PSMA1: variants seen among roughly 807,000 people sequenced by gnomAD.
PSMA1 encodes the protein proteasome 20S subunit alpha 1, also known as proteasome subunit alpha type-1.
A neutral mutation model predicts 38.4 loss-of-function variants in PSMA1; 3 were observed. That is an observed-to-expected ratio of 0.08 (90% CI 0.04 to 0.20). The LOEUF (loss-of-function observed/expected upper bound fraction) is 0.20, where lower values mean the gene tolerates loss of function less well. Ranked by LOEUF, PSMA1 falls within the 10% of genes least tolerant of loss-of-function variation. PSMA1 has a pLI of 1.00. For synonymous variants in PSMA1, 101 were observed against 107.1 expected, an observed-to-expected ratio of 0.94 and a Z score of 0.35; for missense variants, 227 against 325.3, an observed-to-expected ratio of 0.70 and a Z score of 2.32.
chr11:14,521,304 T>TAATAAG (rs796720889), upstream of PSMA1, among the ~76,000 whole-genome samples: 50 of 93,370 alleles, frequency 5.4e-4, 1 homozygote, highest in African/African-American at 1.5e-3. Context: ...GCTACAATAA[T>TAATAAG]AATAAGAATA....
At chr11:14,554,392 C>G (rs185164801) in intron 2 of PSMA1, among the ~76,000 whole-genome samples, 1 of 152,260 alleles carries the variant, frequency 6.6e-6, no homozygotes, top group Admixed American at 6.5e-5. Flanking sequence ...TCACATTGCC[C>G]TAAGTCCTGA....
intron 2 of PSMA1, among the ~76,000 whole-genome samples, chr11:14,526,005 C>G (rs533194834): frequency 2.6e-5 from 4 of 152,134 alleles, no homozygotes; most frequent in Non-Finnish European, 5.9e-5. Context: ...CAAAGGATAT[C>G]GGGTATCCCC....
At chr11:14,638,202 A>T (rs1853134725) in intron 1 of PSMA1, among the ~76,000 whole-genome samples, 1 of 152,080 alleles carries the variant, frequency 6.6e-6, no homozygotes, top group Non-Finnish European at 1.5e-5. Context: ...TCCTTCCTTC[A>T]CATCGTGCTA....
At chr11:14,600,518 G>A (rs1565055238) in intron 2 of PSMA1, among the ~76,000 whole-genome samples, 1 of 152,238 alleles carries the variant, frequency 6.6e-6, no homozygotes, top group African/African-American at 2.4e-5. Context: ...CTAGCAGTGA[G>A]CAAGGCTCTG....
chr11:14,569,135 T>C (rs965702006), intron 2 of PSMA1, among the ~76,000 whole-genome samples: 1 of 152,164 alleles, frequency 6.6e-6, no homozygotes, highest in Non-Finnish European at 1.5e-5. Flanking sequence ...TCCCAGAAAA[T>C]TGGTTTTTCT....
chr11:14,573,848 C>A (rs1242181414), intron 2 of PSMA1, among the ~76,000 whole-genome samples: 1 of 152,182 alleles, frequency 6.6e-6, no homozygotes, highest in Non-Finnish European at 1.5e-5. Flanking sequence ...GCAAAGGTCA[C>A]TTTTGTTATG....
At chr11:14,557,180 G>A (rs1851949917) in intron 2 of PSMA1, among the ~76,000 whole-genome samples, 1 of 152,108 alleles carries the variant, frequency 6.6e-6, no homozygotes, top group Non-Finnish European at 1.5e-5. Flanking sequence ...CACCTGAACT[G>A]ACTTTCTAGG....
intron 2 of PSMA1, among the ~76,000 whole-genome samples, chr11:14,526,636 C>G (rs1451248557): frequency 6.6e-6 from 1 of 152,182 alleles, no homozygotes; most frequent in Non-Finnish European, 1.5e-5. Context: ...TGTACTCACT[C>G]TTTGTTGAGT....
At chr11:14,610,776 T>C in intron 2 of PSMA1, 1 of 588,184 alleles carries the variant, frequency 1.7e-6, no homozygotes, top group Non-Finnish European at 3.0e-6. Flanking sequence ...TGGTATGATT[T>C]GCTGGATTTG....
rs111862584 is a variant in PSMA1, at chr11:14,640,827, T to C, written c.-166+2628A>G. On this transcript the variant is annotated intron_variant, in intron 1 of 10. Coordinates refer to the PSMA1 transcript ENST00000418988. The stretch of plus-strand genomic sequence containing the variant: ...AGGGATGACTCTAGTTTTATAAATT[T>C]GGAATCTCAATGATACTGGTTAATT... Among the ~76,000 whole-genome samples, 887 of 152,352 alleles carry C rather than the reference T, an allele frequency of 5.8e-3. 9 individuals are homozygous for C. The highest frequency in any genetic ancestry group is 0.02 in the African/African-American group (852 of 41,576).
chr11:14,523,590 ATTTT>A (rs35903786), upstream of PSMA1, among the ~76,000 whole-genome samples: 2 of 136,260 alleles, frequency 1.5e-5, no homozygotes, highest in Non-Finnish European at 1.6e-5. Flanking sequence ...CTCAGGATAC[ATTTT>A]TTTTTTTTTT....
intron 2 of PSMA1, among the ~76,000 whole-genome samples, chr11:14,544,835 C>G (rs1446732940): frequency 6.6e-6 from 1 of 152,090 alleles, no homozygotes; most frequent in Admixed American, 6.5e-5. Flanking sequence ...TAGGTAATAA[C>G]CCAAGAGAAT....
At chr11:14,561,809 T>TAAAC (rs1852011692) in intron 2 of PSMA1, among the ~76,000 whole-genome samples, 3 of 147,816 alleles carry the variant, frequency 2.0e-5, no homozygotes, top group East Asian at 2.0e-4. Flanking sequence ...CTAAACTAAA[T>TAAAC]TAAACTAAAC....
chr11:14,517,558 C>T, intron 4 of PSMA1, 84 bp downstream of exon 4: 1 of 1,148,076 alleles, frequency 8.7e-7, no homozygotes, highest in Non-Finnish European at 1.2e-6. Context: ...AGACAACTTC[C>T]TAAAATACCT....
Position 14,576,112 on chromosome 11 carries a change from A to AT in PSMA1, c.21+34853dup, listed in dbSNP as rs1389427772. On this transcript the variant is annotated intron_variant, in intron 2 of 10. Coordinates refer to the PSMA1 transcript ENST00000418988. ...GCCCACTTTTTGATGGGGTTGTTTGATTTTTTCTTGTATATTTGTTTTTTT... is the reference window on the plus strand; with the variant it reads ...GCCCACTTTTTGATGGGGTTGTTTGATTTTTTTCTTGTATATTTGTTTTTTT... 3.3e-5 allele frequency among the ~76,000 whole-genome samples: 5 copies of AT among 151,112 alleles called. No individual in the cohort carries two copies. The South Asian group carries it at 1.0e-3, about 32-fold the overall frequency.
rs142596582 is a variant in PSMA1, at chr11:14,539,872, A to C, written c.22-20831T>G. ...TCAAACAAACAAACAAAGAAAAAAA[A>C]AACAACAACAGGACCCACAGGAGGA... is the stretch of plus-strand genomic sequence containing the variant. On this transcript the variant is annotated intron_variant, in intron 2 of 10. Transcript: ENST00000418988. Among the ~76,000 whole-genome samples, 114 of 151,952 alleles carry C rather than the reference A, an allele frequency of 7.5e-4. No individual in the cohort carries two copies. In the East Asian group the frequency reaches 0.019, roughly 26 times the overall value.
intron 7 of PSMA1, among the ~76,000 whole-genome samples, chr11:14,513,234 A>C (rs1278181748): frequency 1.3e-5 from 2 of 152,188 alleles, no homozygotes; most frequent in African/African-American, 4.8e-5. Flanking sequence ...CAGAAAACTA[A>C]AAGTGAACAG....
In PSMA1 at chr11:14,505,246, A is replaced by C. The variant is rs1486097106; in HGVS notation, c.738T>G (p.Pro246=). 6 of 1,613,556 alleles carry C rather than the reference A, an allele frequency of 3.7e-6. No individual in the cohort carries two copies. The highest frequency in any genetic ancestry group is 5.1e-6 in the Non-Finnish European group (6 of 1,179,558). ...LEERPQRKAQ[P]AQPADEPAEK... ...CTGCAGGTTCATCAGCAGGTTGAGCAGGCTTAACAGGGAAAGAAAAAAAGA... is the reference window on the plus strand; with the variant it reads ...CTGCAGGTTCATCAGCAGGTTGAGCCGGCTTAACAGGGAAAGAAAAAAAGA... Residue 246 remains proline, a splice_region_variant and synonymous_variant, in exon 10 of 10, where the codon CCT becomes CCG. Transcript: ENST00000396394.
chr11:14,595,397 C>T (rs1852474343), intron 2 of PSMA1, among the ~76,000 whole-genome samples: 1 of 152,230 alleles, frequency 6.6e-6, no homozygotes, highest in East Asian at 1.9e-4. Flanking sequence ...TATTTCTCCA[C>T]ATCCTCTCCA....
Sources: gnomAD v4.1 joint callset for allele counts (sites outside exome capture counted in the v4.1 genomes callset) on GRCh38, gnomAD v4.1.1 for gene constraint, MANE v1.5 for transcripts, NCBI Gene and HGNC (gene_info 2026-07-23, HGNC 2026-07-21) for gene names.